The following TEKT5 variants were observed in gnomAD, a reference collection of about 807,000 sequenced individuals.
TEKT5 encodes the protein tektin-5.
A neutral mutation model predicts 48.7 loss-of-function variants in TEKT5; 52 were observed. The observed-to-expected ratio is 1.07, with a 90% CI of 0.86 to 1.35. The LOEUF is 1.35. Ranked by LOEUF, TEKT5 falls within the 40% of genes most tolerant of loss-of-function variation. The pLI is 0.00. For synonymous variants in TEKT5, 318 were observed against 267.6 expected, an observed-to-expected ratio of 1.19 and a Z score of -1.84; for missense variants, 831 against 641.6, an observed-to-expected ratio of 1.30 and a Z score of -3.19.
intron 5 of TEKT5, among the ~76,000 whole-genome samples, chr16:10,653,165 C>T (rs4780316): frequency 0.27 from 41,782 of 152,102 alleles, 6,304 homozygotes; most frequent in Middle Eastern, 0.41. Context: ...GGCAAGGCTG[C>T]TGGGGATTGG....
At chr16:10,682,614 C>T (rs1898776408) in intron 3 of TEKT5, among the ~76,000 whole-genome samples, 1 of 152,194 alleles carries the variant, frequency 6.6e-6, no homozygotes, top group African/African-American at 2.4e-5. Context: ...AGGCATAAGC[C>T]ACCACACCTG....
intron 5 of TEKT5, among the ~76,000 whole-genome samples, chr16:10,665,004 C>A (rs1328057233): frequency 6.6e-6 from 1 of 152,172 alleles, no homozygotes; most frequent in African/African-American, 2.4e-5. Flanking sequence ...TTTGGCCACA[C>A]AGCCAGGAAG....
intron 5 of TEKT5, among the ~76,000 whole-genome samples, chr16:10,660,661 C>CTCTG (rs1378016812): frequency 1.4e-5 from 2 of 144,304 alleles, no homozygotes; most frequent in African/African-American, 5.3e-5. Flanking sequence ...GAGTGCAAGG[C>CTCTG]TGTGTGTGTG....
intron 5 of TEKT5, among the ~76,000 whole-genome samples, chr16:10,674,848 G>A (rs1355866245): frequency 2.0e-5 from 3 of 149,592 alleles, no homozygotes; most frequent in Non-Finnish European, 4.4e-5. Context: ...TTCTTGATAC[G>A]GGGTCTCGCT....
chr16:10,675,972 G>T lies in TEKT5; in HGVS notation c.1073C>A (p.Thr358Lys). 1.2e-6 allele frequency: 2 copies of T among 1,614,082 alleles called. No homozygotes were observed. Among genetic ancestry groups the T allele is most frequent in the Non-Finnish European group, 1.7e-6 (2 of 1,179,938 alleles). The change falls in exon 5 of 7, where the codon ACG becomes AAG. Residue 358 changes from threonine to lysine, a missense_variant. Transcript: ENST00000283025. ...GGATCTGCTCACCTTCGCCAGCTGC[G>T]TCTGCAGCTTATTCTTCACATCCGT... ...EVTDVKNKLQ[T>K]QLAKTLQEIF...
At chr16:10,640,058 C>G (rs1258246314) in intron 5 of TEKT5, among the ~76,000 whole-genome samples, 2 of 114,538 alleles carry the variant, frequency 1.7e-5, no homozygotes, top group African/African-American at 4.0e-5. Context: ...CCTCCTCCTC[C>G]TCCTTTTTCT....
intron 5 of TEKT5, among the ~76,000 whole-genome samples, chr16:10,646,862 T>C (rs1168773590): frequency 6.6e-6 from 1 of 152,178 alleles, no homozygotes; most frequent in Non-Finnish European, 1.5e-5. Flanking sequence ...CCCATAAGAA[T>C]GTTCTGTGCC....
Position 10,654,944 on chromosome 16 carries a change from A to AC in TEKT5, c.1087-19027dup, listed in dbSNP as rs796414949. On this transcript the variant is annotated intron_variant, in intron 5 of 6. Transcript: ENST00000283025. ...CTGTCTCCCCCCCCTCCCCTCCCCC[A>AC]CCCCCCCCCCCCAGTCTGTGACGAG... 1.6e-3 allele frequency among the ~76,000 whole-genome samples: 105 copies of AC among 67,256 alleles called. 1 individual carries two copies. The highest frequency in any genetic ancestry group is 5.6e-3 in the African/African-American group (87 of 15,648). The allele number at this position is 67,256 out of a possible 152,430, so 44.1% of individuals were successfully genotyped here.
At chr16:10,694,287 CCT>C in intron 1 of TEKT5, 21 bp downstream of exon 1, 1 of 1,544,508 alleles carries the variant, frequency 6.5e-7, no homozygotes, top group South Asian at 1.2e-5. Flanking sequence ...CAGCCACAGC[CCT>C]GTCCCCACCC....
chr16:10,661,823 C>G (rs1898376466), intron 5 of TEKT5, among the ~76,000 whole-genome samples: 1 of 152,078 alleles, frequency 6.6e-6, no homozygotes, highest in Admixed American at 6.6e-5. Context: ...CTCTGTGAGC[C>G]TCAGTTTCCC....
At chr16:10,628,905 C>CAAAAAAAAAAAA (rs201157132) in intron 6 of TEKT5, among the ~76,000 whole-genome samples, 14 of 79,356 alleles carry the variant, frequency 1.8e-4, no homozygotes, top group African/African-American at 4.9e-4. Flanking sequence ...AACTCTGTCT[C>CAAAAAAAAAAAA]AAAAAAAAAA....
At chr16:10,629,278 T>C in intron 6 of TEKT5, among the ~76,000 whole-genome samples, 1 of 150,938 alleles carries the variant, frequency 6.6e-6, no homozygotes, top group East Asian at 2.0e-4. Flanking sequence ...TGAGATGGAG[T>C]CTCGCCCTGT....
chr16:10,631,475 A>G (rs1596398740), intron 6 of TEKT5, among the ~76,000 whole-genome samples: 1 of 151,702 alleles, frequency 6.6e-6, no homozygotes, highest in Non-Finnish European at 1.5e-5. Context: ...AAAGGTTAGG[A>G]GGTTATTGTG....
At chr16:10,645,355 C>G (rs887942877) in intron 5 of TEKT5, among the ~76,000 whole-genome samples, 7 of 151,470 alleles carry the variant, frequency 4.6e-5, no homozygotes, top group African/African-American at 1.7e-4. Flanking sequence ...ACAAAAAATA[C>G]AAAAAAATTA....
chr16:10,662,320 G>T (rs1037166536), intron 5 of TEKT5, among the ~76,000 whole-genome samples: 22 of 152,214 alleles, frequency 1.4e-4, no homozygotes, highest in African/African-American at 5.3e-4. Context: ...ACCTATTACT[G>T]TTGTCATAAG....
At chr16:10,640,858 A>G (rs74007196) in intron 5 of TEKT5, among the ~76,000 whole-genome samples, 2,082 of 152,142 alleles carry the variant, frequency 0.014, 54 homozygotes, top group African/African-American at 0.048. Flanking sequence ...CTAGACCACA[A>G]TTTTCATCTA....
chr16:10,648,279 G>A (rs190864593), intron 5 of TEKT5, among the ~76,000 whole-genome samples: 187 of 152,170 alleles, frequency 1.2e-3, no homozygotes, highest in Non-Finnish European at 2.3e-3. Context: ...CCAATCCTAT[G>A]CAGAAGGTTC....
At chr16:10,676,747 A>G (rs1398948392) in intron 4 of TEKT5, among the ~76,000 whole-genome samples, 1 of 152,230 alleles carries the variant, frequency 6.6e-6, no homozygotes, top group Non-Finnish European at 1.5e-5. Context: ...CTTCTACGAC[A>G]TGCCAAGCAT....
intron 1 of TEKT5, chr16:10,692,844 T>G (rs1299634783): frequency 6.6e-6 from 1 of 152,272 alleles, no homozygotes; most frequent in African/African-American, 2.4e-5. Context: ...AACCACATGC[T>G]GTGGGTGGCA....
Sources: gnomAD v4.1 joint callset for allele counts (sites outside exome capture counted in the v4.1 genomes callset) on GRCh38, gnomAD v4.1.1 for gene constraint, MANE v1.5 for transcripts, NCBI Gene and HGNC (gene_info 2026-07-23, HGNC 2026-07-21) for gene names.